The following ROBO1 variants were observed in gnomAD, a reference collection of about 807,000 sequenced individuals.
ROBO1 encodes roundabout guidance receptor 1.
In ROBO1, 149 loss-of-function variants were observed where a neutral mutation model predicts 195.9. The observed-to-expected ratio is 0.76, with a 90% CI of 0.67 to 0.87. The LOEUF (loss-of-function observed/expected upper bound fraction) is 0.87, where lower values mean the gene tolerates loss of function less well. Ranked by LOEUF, ROBO1 falls within the 40% of genes least tolerant of loss-of-function variation. The pLI is 0.00. For synonymous variants in ROBO1, 816 were observed against 733.2 expected (o/e 1.11, Z -1.82); for missense variants, 1,933 against 2,068.3 (o/e 0.93, Z 1.27).
chr3:79,064,912 G>A (rs545152895), intron 3 of ROBO1, among the ~76,000 whole-genome samples: 17 of 151,964 alleles, frequency 1.1e-4, no homozygotes, highest in East Asian at 5.8e-4. Flanking sequence ...GAAGACAGTC[G>A]GGGGACTGAA....
At chr3:79,626,407 A>G (rs1436597853) in intron 1 of ROBO1, among the ~76,000 whole-genome samples, 2 of 152,178 alleles carry the variant, frequency 1.3e-5, no homozygotes, top group African/African-American at 4.8e-5. Flanking sequence ...ATTGCACTCC[A>G]GCCTAGTAAC....
rs148273366 is a variant in ROBO1 at position 78,898,803 on chromosome 3, T to C, written c.499+39798A>G. On this transcript the variant is annotated intron_variant, in intron 4 of 30. Coordinates refer to ENST00000464233, the MANE Select transcript of ROBO1 (RefSeq NM_002941.4). ...TAAATTTGGTATACATGGAAGTCCA[T>C]ACATAAATTTTGTGTATATATATGT... 5.5e-3 allele frequency among the ~76,000 whole-genome samples: 842 copies of C among 152,308 alleles called. 4 individuals are homozygous for C. Among genetic ancestry groups the C allele is most frequent in the Non-Finnish European group, 9.4e-3 (637 of 68,016 alleles).
At chr3:79,316,386 A>G (rs764320890) in intron 2 of ROBO1, among the ~76,000 whole-genome samples, 1 of 152,328 alleles carries the variant, frequency 6.6e-6, no homozygotes, top group South Asian at 2.1e-4. Context: ...GTTGAAGCAT[A>G]TATTTAATGG....
chr3:79,463,402 A>AAC (rs1553747329), intron 2 of ROBO1, among the ~76,000 whole-genome samples: 18 of 151,616 alleles, frequency 1.2e-4, no homozygotes, highest in African/African-American at 4.4e-4. Context: ...CAAAAAACAA[A>AAC]AAACAAAAAA....
chr3:78,669,219 T>C (rs928820505), intron 11 of ROBO1, among the ~76,000 whole-genome samples: 1 of 152,200 alleles, frequency 6.6e-6, no homozygotes, highest in Admixed American at 6.5e-5. Flanking sequence ...AATAAACCCA[T>C]CTACTTCTGC....
intron 2 of ROBO1, among the ~76,000 whole-genome samples, chr3:79,255,873 G>T (rs985837586): frequency 1.2e-4 from 18 of 152,118 alleles, no homozygotes; most frequent in African/African-American, 4.3e-4. Flanking sequence ...CTGCCTCAAA[G>T]CTGGGTCAGG....
At chr3:78,711,440 T>TTTCTTTCTTTCTTTCCTTCC (rs770070756) in intron 8 of ROBO1, among the ~76,000 whole-genome samples, 5 of 41,648 alleles carry the variant, frequency 1.2e-4, no homozygotes, top group East Asian at 4.6e-4. Context: ...TCTTTCTTTC[T>TTTCTTTCTTTCTTTCCTTCC]TTCCTTCCTT....
Position 79,058,874 on chromosome 3 carries a change from C to T in ROBO1, c.172+66582G>A, listed in dbSNP as rs574039989. Among the ~76,000 whole-genome samples, 8 of 152,138 alleles carry T rather than the reference C, an allele frequency of 5.3e-5. No homozygotes were observed. The South Asian group carries it at 1.0e-3, about 20-fold the overall frequency. On this transcript the variant is annotated intron_variant, in intron 3 of 30. Transcript: ENST00000464233. Reference sequence around the variant, plus strand: ...CTAAGAGATTTGTTTTCACTTTAATCGCTGTTATAATGGGCCTAAATACAG... The same window carrying T: ...CTAAGAGATTTGTTTTCACTTTAATTGCTGTTATAATGGGCCTAAATACAG...
chr3:78,857,502 G>A (rs1011914618), intron 4 of ROBO1, among the ~76,000 whole-genome samples: 1 of 152,124 alleles, frequency 6.6e-6, no homozygotes, highest in Admixed American at 6.5e-5. Flanking sequence ...AAATATTCCT[G>A]TTTTAGATAT....
chr3:79,369,134 T>C (rs1170437626), intron 2 of ROBO1, among the ~76,000 whole-genome samples: 1 of 152,190 alleles, frequency 6.6e-6, no homozygotes, highest in African/African-American at 2.4e-5. Flanking sequence ...TTGTTTTGTG[T>C]ATACATCATC....
intron 1 of ROBO1, among the ~76,000 whole-genome samples, chr3:79,757,030 A>G (rs1297251851): frequency 1.3e-5 from 2 of 152,158 alleles, no homozygotes; most frequent in Admixed American, 6.5e-5. Context: ...TTCATTGTAC[A>G]TAATAGATCA....
At chr3:79,026,384 G>C (rs1299578443) in intron 3 of ROBO1, among the ~76,000 whole-genome samples, 1 of 152,028 alleles carries the variant, frequency 6.6e-6, no homozygotes, top group Non-Finnish European at 1.5e-5. Context: ...GCTGAAGAAA[G>C]CTATCAGTGT....
chr3:78,607,188 C>A, intron 28 of ROBO1, 147 bp from the exon 29 acceptor site: 1 of 749,768 alleles, frequency 1.3e-6, no homozygotes, highest in Non-Finnish European at 2.1e-6. Context: ...AGGAAAAATA[C>A]CCACAATTTT....
chr3:79,419,764 A>G (rs1234456838), intron 2 of ROBO1, among the ~76,000 whole-genome samples: 1 of 152,110 alleles, frequency 6.6e-6, no homozygotes, highest in African/African-American at 2.4e-5. Context: ...TAAGGAAAGT[A>G]TATCTAGCCT....
chr3:79,293,865 T>C (rs1055221417), intron 2 of ROBO1, among the ~76,000 whole-genome samples: 6 of 151,484 alleles, frequency 4.0e-5, no homozygotes, highest in African/African-American at 1.2e-4. Context: ...GAGACCATCC[T>C]GGCTAACACG....
At chr3:78,605,117 T>A (rs1442360769) in intron 29 of ROBO1, among the ~76,000 whole-genome samples, 4 of 152,170 alleles carry the variant, frequency 2.6e-5, no homozygotes, top group African/African-American at 9.7e-5. Context: ...ACAAAAAACA[T>A]ATTGCAAGAT....
At chr3:79,503,101 G>A (rs7628507) in intron 2 of ROBO1, among the ~76,000 whole-genome samples, 45,772 of 151,638 alleles carry the variant, frequency 0.3, 7,118 homozygotes, top group Non-Finnish European at 0.35. Context: ...AATAAATCTC[G>A]CTGCTGCTCA....
At chr3:78,887,403 A>G (rs755335258) in intron 4 of ROBO1, among the ~76,000 whole-genome samples, 6 of 152,216 alleles carry the variant, frequency 3.9e-5, no homozygotes, top group Non-Finnish European at 7.3e-5. Context: ...CATGTAAATG[A>G]AAGCTTAACA....
intron 4 of ROBO1, among the ~76,000 whole-genome samples, chr3:78,842,989 GTATT>G (rs890214134): frequency 1.4e-4 from 21 of 152,174 alleles, no homozygotes; most frequent in Admixed American, 1.2e-3. Context: ...AATGGATAAA[GTATT>G]TAATTCACAT....
Sources: gnomAD v4.1 joint callset for allele counts (sites outside exome capture counted in the v4.1 genomes callset) on GRCh38, gnomAD v4.1.1 for gene constraint, MANE v1.5 for transcripts, NCBI Gene and HGNC (gene_info 2026-07-23, HGNC 2026-07-21) for gene names.